Variants in ANKS6 observed in about 807,000 individuals in gnomAD.
The protein encoded by ANKS6 is ankyrin repeat and SAM domain-containing protein 6.
In ANKS6, 47 loss-of-function variants were observed where a neutral mutation model predicts 77.9. The ratio of observed to expected loss-of-function variants is 0.60; its 90% CI spans 0.48 to 0.77. The LOEUF (loss-of-function observed/expected upper bound fraction) is 0.77. Among genes scored for constraint, ANKS6 ranks in the 30% least tolerant of loss-of-function variants. ANKS6 has a pLI of 0.00. For missense variants in ANKS6, 1,150 were observed against 1,159.1 expected (o/e 0.99, Z 0.11); for synonymous variants, 488 against 501.7 (o/e 0.97, Z 0.37).
Position 98,732,814 on chromosome 9 carries a change from T to C in ANKS6, c.*3705A>G, listed in dbSNP as rs1831272720. ...TCTTTCCAGGGTAACAGGTTGCTTC[T>C]ACTCATTTTAAAGGACTAAAAACAG... On this transcript the variant is annotated 3_prime_UTR_variant, in exon 15 of 15. Transcript: ENST00000353234. 7.7e-7 allele frequency: 1 copy of C among 1,299,458 alleles called. No homozygotes were observed. The highest frequency in any genetic ancestry group is 3.7e-5 in the Admixed American group (1 of 27,050). 80.5% of individuals were successfully genotyped at this position (1,299,458 alleles called of 1,614,324 possible).
intron 1 of ANKS6, among the ~76,000 whole-genome samples, chr9:98,795,166 A>T (rs1178910279): frequency 6.6e-6 from 1 of 151,952 alleles, no homozygotes; most frequent in Admixed American, 6.6e-5. Context: ...ATATATCACA[A>T]ATTCATCTGG....
chr9:98,771,838 C>A (rs999374773), intron 9 of ANKS6, among the ~76,000 whole-genome samples: 1 of 152,114 alleles, frequency 6.6e-6, no homozygotes. Flanking sequence ...GGCTCCTCAA[C>A]ACACGGCTGT....
chr9:98,790,752 C>T, intron 1 of ANKS6, 146 bp from the exon 2 acceptor site: 3 of 1,160,660 alleles, frequency 2.6e-6, no homozygotes, highest in African/African-American at 1.6e-5. Context: ...GTGCCAGCCA[C>T]ATGGATGCAG....
In ANKS6 at chr9:98,732,613, G is replaced by T. The variant is rs1016598785; in HGVS notation, c.*3906C>A. 3.4e-5 allele frequency: 52 copies of T among 1,549,580 alleles called. No homozygotes were observed. In the Admixed American group the frequency reaches 1.0e-3, roughly 30 times the overall value. On this transcript the variant is annotated 3_prime_UTR_variant, in exon 15 of 15. Transcript: ENST00000353234. ...ATGAGAGATGAAAGGATTTAAAATG[G>T]GCAACCATCTTTGAGGTTTCCCACA...
At chr9:98,790,737 G>T in intron 1 of ANKS6, 131 bp from the exon 2 acceptor site, 1 of 1,268,160 alleles carries the variant, frequency 7.9e-7, no homozygotes, top group Non-Finnish European at 1.1e-6. Context: ...CTGGCGCCAG[G>T]CACTGTGCCA....
chr9:98,747,541 G>A (rs759990329), intron 13 of ANKS6, among the ~76,000 whole-genome samples: 2 of 152,048 alleles, frequency 1.3e-5, no homozygotes, highest in African/African-American at 4.8e-5. Flanking sequence ...CTCACGGAGT[G>A]CTGAGGGGCT....
Position 98,732,985 on chromosome 9 carries a change from T to TG in ANKS6, c.*3533dup. On this transcript the variant is annotated 3_prime_UTR_variant, in exon 15 of 15. Coordinates refer to ENST00000353234, the MANE Select transcript of ANKS6 (RefSeq NM_173551.5). ...GAGGCCCCACTCCATCTCTCTCCTC[T>TG]GGGGCGTGCCCAGGCTGAGCCTGAG... 3.0e-6 allele frequency: 3 copies of TG among 1,006,022 alleles called. No homozygotes were observed. Among genetic ancestry groups the TG allele is most frequent in the Non-Finnish European group, 3.6e-6 (3 of 835,848 alleles). The allele number at this position is 1,006,022 out of a possible 1,614,324, so 62.3% of individuals were successfully genotyped here. A position where few individuals can be genotyped will look rare whatever the true frequency, so the allele number is the denominator to read the frequency against.
At chr9:98,755,998 T>C (rs1021736018) in intron 12 of ANKS6, among the ~76,000 whole-genome samples, 2 of 152,108 alleles carry the variant, frequency 1.3e-5, no homozygotes, top group Non-Finnish European at 2.9e-5. Flanking sequence ...AATTCAGGCA[T>C]GGTTGAAGCA....
At position 98,732,990 on chromosome 9, in the gene ANKS6, C is replaced by T. The variant is rs538894477; in HGVS notation, c.*3529G>A. 3.0e-4 allele frequency: 297 copies of T among 987,482 alleles called. No individual in the cohort carries two copies. Among genetic ancestry groups the T allele is most frequent in the Non-Finnish European group, 3.5e-4 (289 of 821,576 alleles). 61.2% of individuals were successfully genotyped at this position (987,482 alleles called of 1,614,324 possible). ...CCCACTCCATCTCTCTCCTCTGGGG[C>T]GTGCCCAGGCTGAGCCTGAGCCATC... On this transcript the variant is annotated 3_prime_UTR_variant, in exon 15 of 15. Coordinates refer to ENST00000353234, the MANE Select transcript of ANKS6 (RefSeq NM_173551.5).
At chr9:98,781,513 C>T (rs746578542) in intron 5 of ANKS6, among the ~76,000 whole-genome samples, 69 of 152,220 alleles carry the variant, frequency 4.5e-4, no homozygotes, top group Non-Finnish European at 9.4e-4. Context: ...GACTCCAACC[C>T]TCTGGCTGGG....
Position 98,790,517 on chromosome 9 carries a change from A to T in ANKS6, c.449T>A (p.Val150Glu). The T allele has an allele frequency of 6.2e-7, 1 of 1,613,676 alleles. No individual in the cohort carries two copies. Among genetic ancestry groups the T allele is most frequent in the Middle Eastern group, 1.6e-4 (1 of 6,062 alleles). The change falls in exon 2 of 15, where the codon GTG (valine) becomes GAG (glutamate). Residue 150 changes from valine to glutamate, a missense_variant. By Grantham distance (121) the Val-to-Glu change is moderately radical. Coordinates refer to ENST00000353234, the MANE Select transcript of ANKS6 (RefSeq NM_173551.5). ...ACCCAGGTGGCCGCCCCGAGAAGCC[A>T]CAGTGAGCACACTGGCCCCCAGCCG... ...QNRLGASVLT[V>E]ASRGGHLGVV...
intron 14 of ANKS6, among the ~76,000 whole-genome samples, chr9:98,742,380 G>A (rs1831885867): frequency 6.6e-6 from 1 of 152,194 alleles, no homozygotes; most frequent in South Asian, 2.1e-4. Context: ...TTGGCCTGAG[G>A]AGCTCTTTGC....
chr9:98,739,614 C>T (rs1342901177), intron 14 of ANKS6, among the ~76,000 whole-genome samples: 1 of 152,048 alleles, frequency 6.6e-6, no homozygotes, highest in African/African-American at 2.4e-5. Context: ...CATTGCAGCA[C>T]CATTTATACA....
At position 98,773,946 on chromosome 9, in the gene ANKS6, G is replaced by A; in HGVS notation, c.1752C>T (p.Asp584=). 6.2e-7 allele frequency: 1 copy of A among 1,602,858 alleles called. No individual in the cohort carries two copies. The highest frequency in any genetic ancestry group is 8.5e-7 in the Non-Finnish European group (1 of 1,176,912). The change falls in exon 9 of 15, where the codon GAC becomes GAT. Residue 584 remains aspartate, a synonymous_variant. Transcript: ENST00000353234. ...RSRTRHNGKA[D]PMKTALPQRA... ...TCTGGGGCAGCGCAGTCTTCATGGG[G>A]TCTGCCTTCCCGTTGTGACGCGTCC...
Position 98,796,199 on chromosome 9 carries a change from A to G in ANKS6, c.293T>C (p.Leu98Pro). The G allele has an allele frequency of 7.0e-7, 1 of 1,418,620 alleles. No homozygotes were observed. The highest frequency in any genetic ancestry group is 1.5e-5 in the South Asian group (1 of 68,916). The allele number at this position is 1,418,620 out of a possible 1,614,324, so 87.9% of individuals were successfully genotyped here. ...GCTGTTGACCGAGGCACCGCGGCGC[A>G]GCAGGAAGCGCACCAGCGGTTCGTG... is the stretch of plus-strand genomic sequence containing the variant. ...GGHEPLVRFL[L>P]RRGASVNSRN... Residue 98 changes from leucine to proline, a missense_variant, in exon 1 of 15, where the codon CTG becomes CCG. Leu to Pro is a moderately conservative substitution (Grantham distance 98). Coordinates refer to ENST00000353234, the MANE Select transcript of ANKS6 (RefSeq NM_173551.5).
At position 98,784,880 on chromosome 9, in the gene ANKS6, G is replaced by T. The variant is rs770752635; in HGVS notation, c.863-4C>A. The T allele has an allele frequency of 6.2e-7, 1 of 1,612,554 alleles. No homozygotes were observed. Among genetic ancestry groups the T allele is most frequent in the Non-Finnish European group, 8.5e-7 (1 of 1,179,474 alleles). ...TCAGGTCGCCTTTTCTCCTCATCTG[G>T]GTAAACAAAGATTTTTAAAGTTAAC... On this transcript the variant is annotated splice_polypyrimidine_tract_variant and splice_region_variant and intron_variant, in intron 2 of 14. Transcript: ENST00000353234.
At chr9:98,792,180 C>G (rs1588423853) in intron 1 of ANKS6, among the ~76,000 whole-genome samples, 1 of 152,236 alleles carries the variant, frequency 6.6e-6, no homozygotes, top group Non-Finnish European at 1.5e-5. Flanking sequence ...ATCCTGACCC[C>G]ACCAGAGGAC....
intron 12 of ANKS6, among the ~76,000 whole-genome samples, chr9:98,752,899 G>A (rs929102362): frequency 4.6e-5 from 7 of 152,208 alleles, no homozygotes; most frequent in African/African-American, 7.2e-5. Context: ...CTTCACAGTA[G>A]AGAGGCTACT....
chr9:98,774,168 G>T, intron 8 of ANKS6, 88 bp from the exon 9 acceptor site: 1 of 1,213,292 alleles, frequency 8.2e-7, no homozygotes, highest in Non-Finnish European at 1.1e-6. Context: ...TGCTTCTTGG[G>T]GCATGGCACC....
Sources: allele counts gnomAD v4.1 joint callset (sites outside exome capture counted in the v4.1 genomes callset), GRCh38; gene constraint gnomAD v4.1.1; transcripts MANE v1.5; gene names NCBI Gene and HGNC (gene_info 2026-07-23, HGNC 2026-07-21).